The following RPSA2 variants were observed in gnomAD, a reference collection of about 807,000 sequenced individuals.
RPSA2 encodes ribosomal protein SA 2.
chr19:23,840,457 G>T, the RPSA2 span, among the ~76,000 whole-genome samples: 1 of 152,154 alleles, frequency 6.6e-6, no homozygotes, highest in African/African-American at 2.4e-5. Context: ...TGGGTCCTCA[G>T]ATATCAGTGA....
chr19:23,828,323 CT>C, the RPSA2 span, among the ~76,000 whole-genome samples: 61,565 of 124,068 alleles, frequency 0.5, 14,183 homozygotes, highest in East Asian at 0.6. Context: ...TTCTTTCTTT[CT>C]TTTTTTTTTT....
chr19:23,828,334 T>A, the RPSA2 span, among the ~76,000 whole-genome samples: 2 of 146,622 alleles, frequency 1.4e-5, no homozygotes, highest in Non-Finnish European at 3.0e-5. Context: ...TTTTTTTTTT[T>A]TTAATATTGT....
chr19:23,771,452 C>T, the RPSA2 span, among the ~76,000 whole-genome samples: 141 of 152,316 alleles, frequency 9.3e-4, no homozygotes, highest in Admixed American at 1.6e-3. Context: ...TATTATGTCT[C>T]ATACCTAGAA....
the RPSA2 span, among the ~76,000 whole-genome samples, chr19:23,869,016 T>C: frequency 6.6e-6 from 1 of 152,152 alleles, no homozygotes; most frequent in Non-Finnish European, 1.5e-5. Context: ...CCTGATTCCA[T>C]GTTCTTGGCC....
At chr19:23,773,697 G>A in the RPSA2 span, among the ~76,000 whole-genome samples, 1 of 152,242 alleles carries the variant, frequency 6.6e-6, no homozygotes, top group East Asian at 1.9e-4. Context: ...AGTCAGAGGT[G>A]GAAAAATTGA....
chr19:23,784,908 A>G, the RPSA2 span, among the ~76,000 whole-genome samples: 2 of 152,218 alleles, frequency 1.3e-5, no homozygotes, highest in African/African-American at 4.8e-5. Flanking sequence ...TCTGTCAGCT[A>G]TTGAGATTGT....
the RPSA2 span, among the ~76,000 whole-genome samples, chr19:23,856,854 A>T: frequency 8.5e-5 from 13 of 152,144 alleles, no homozygotes; most frequent in African/African-American, 3.1e-4. Flanking sequence ...GGTCACAAAG[A>T]TCACGTGCTT....
At chr19:23,843,186 G>A in the RPSA2 span, 8 of 212,778 alleles carry the variant, frequency 3.8e-5, no homozygotes, top group East Asian at 1.2e-4. Context: ...TCAGGCTGTG[G>A]TGTCTCTGTA....
the RPSA2 span, among the ~76,000 whole-genome samples, chr19:23,829,175 C>G: frequency 1.3e-5 from 2 of 152,274 alleles, no homozygotes; most frequent in Middle Eastern, 3.4e-3. Context: ...CACTTACAGT[C>G]TTTTTTAATT....
the RPSA2 span, among the ~76,000 whole-genome samples, chr19:23,833,768 A>G: frequency 6.6e-6 from 1 of 152,094 alleles, no homozygotes; most frequent in South Asian, 2.1e-4. Context: ...TATGTCTTTA[A>G]AGTGCAGAAG....
At chr19:23,843,408 C>T in the RPSA2 span, among the ~76,000 whole-genome samples, 5 of 152,112 alleles carry the variant, frequency 3.3e-5, no homozygotes, top group Admixed American at 3.3e-4. Flanking sequence ...TTGTTTTTTT[C>T]CCTAGTTCTT....
chr19:23,826,985 T>C, the RPSA2 span: 2 of 615,308 alleles, frequency 3.3e-6, no homozygotes, highest in Non-Finnish European at 5.8e-6. Flanking sequence ...CCACCGTGCC[T>C]GGGAAGAATT....
At chr19:23,869,204 T>C in the RPSA2 span, among the ~76,000 whole-genome samples, 1 of 152,100 alleles carries the variant, frequency 6.6e-6, no homozygotes, top group Non-Finnish European at 1.5e-5. Flanking sequence ...CCCCCGGACA[T>C]AGAACAGTTA....
At chr19:23,870,089 C>T in the RPSA2 span, among the ~76,000 whole-genome samples, 1 of 152,202 alleles carries the variant, frequency 6.6e-6, no homozygotes, top group Non-Finnish European at 1.5e-5. Context: ...GATGCCACCC[C>T]TGTTTGGCAC....
At chr19:23,862,159 C>T in the RPSA2 span, among the ~76,000 whole-genome samples, 3 of 152,002 alleles carry the variant, frequency 2.0e-5, no homozygotes, top group African/African-American at 4.8e-5. Flanking sequence ...GGAGTTCACT[C>T]GTGATTTGGC....
the RPSA2 span, among the ~76,000 whole-genome samples, chr19:23,797,077 C>T: frequency 6.6e-6 from 1 of 151,780 alleles, no homozygotes; most frequent in African/African-American, 2.4e-5. Flanking sequence ...TGCAGATATT[C>T]TGATGTGTTG....
chr19:23,815,237 A>G, the RPSA2 span, among the ~76,000 whole-genome samples: 1 of 152,206 alleles, frequency 6.6e-6, no homozygotes, highest in Non-Finnish European at 1.5e-5. Flanking sequence ...TTTTGACTGG[A>G]AAGTTTTGTA....
chr19:23,778,401 A>G, the RPSA2 span, among the ~76,000 whole-genome samples: 1 of 152,010 alleles, frequency 6.6e-6, no homozygotes, highest in Admixed American at 6.6e-5. Flanking sequence ...TTTAGTAGAG[A>G]CAGGGTTTCT....
the RPSA2 span, among the ~76,000 whole-genome samples, chr19:23,869,872 C>T: frequency 6.6e-6 from 1 of 152,190 alleles, no homozygotes; most frequent in African/African-American, 2.4e-5. Flanking sequence ...TATCACCACT[C>T]AACTTATGGT....
Sources: gnomAD v4.1 joint callset for allele counts (sites outside exome capture counted in the v4.1 genomes callset) on GRCh38, gnomAD v4.1.1 for gene constraint, MANE v1.5 for transcripts, NCBI Gene and HGNC (gene_info 2026-07-23, HGNC 2026-07-21) for gene names.